Variants in PCDHGA3 observed in about 807,000 individuals in gnomAD.
PCDHGA3 encodes the protein protocadherin gamma subfamily A, 3.
A neutral mutation model predicts 58.5 loss-of-function variants in PCDHGA3; 40 were observed. The observed-to-expected ratio is 0.68, with a 90% confidence interval of 0.53 to 0.89. The LOEUF (loss-of-function observed/expected upper bound fraction) is 0.89. Ranked by LOEUF, PCDHGA3 falls within the 40% of genes least tolerant of loss-of-function variation. The pLI is 0.00. For missense variants in PCDHGA3, 1,223 were observed against 1,195.9 expected, an observed-to-expected ratio of 1.02 and a Z score of -0.33; for synonymous variants, 530 against 525.7, an observed-to-expected ratio of 1.01 and a Z score of -0.11.
chr5:141,345,527 G>A lies in PCDHGA3; in HGVS notation c.1494G>A (p.Gly498=), dbSNP rs746508095. The stretch of plus-strand genomic sequence containing the variant: ...CATTGACCGAGGACACTCTCCAGGG[G>A]GCGCCCCTGTCCTCCTTCGTCTCTA... The part of the protein sequence containing the change: ...TYALTEDTLQ[G]APLSSFVSIN... The change falls in exon 1 of 4, where the codon GGG becomes GGA. Residue 498 remains glycine, a synonymous_variant. Transcript: ENST00000253812. 43 of 1,614,120 alleles carry A rather than the reference G, an allele frequency of 2.7e-5. No individual in the cohort carries two copies. The highest frequency in any genetic ancestry group is 3.6e-5 in the Non-Finnish European group (43 of 1,180,014).
Position 141,398,399 on chromosome 5 carries a change from A to G in PCDHGA3, c.2424+51942A>G, listed in dbSNP as rs763282563. 8 of 1,466,584 alleles carry G rather than the reference A, an allele frequency of 5.5e-6. No individual in the cohort carries two copies. In the Admixed American group the frequency reaches 7.2e-5, roughly 13 times the overall value. 90.8% of individuals were successfully genotyped at this position (1,466,584 alleles called of 1,614,324 possible). ...GAGTTGCTTGTGAGCAGCAGGCTAG[A>G]CAGGGAGGAGATATGCGGGAAGAAG... On this transcript the variant is annotated intron_variant, in intron 1 of 3. Coordinates refer to ENST00000253812, the MANE Select transcript of PCDHGA3 (RefSeq NM_018916.4).
chr5:141,404,995 T>G (rs1561697585), intron 1 of PCDHGA3: 1 of 1,614,008 alleles, frequency 6.2e-7, no homozygotes, highest in Non-Finnish European at 8.5e-7. Flanking sequence ...TTCAGATCCC[T>G]GCAGACCTGG....
At chr5:141,415,937 C>T (rs939831077) in intron 1 of PCDHGA3, 8 of 587,822 alleles carry the variant, frequency 1.4e-5, no homozygotes, top group Non-Finnish European at 2.0e-5. Context: ...TATATTTCCT[C>T]CTGGGTGGTC....
rs933117526 is a variant in PCDHGA3 at position 141,355,681 on chromosome 5, G to A, written c.2424+9224G>A. 11 of 1,613,908 alleles carry A rather than the reference G, an allele frequency of 6.8e-6. No individual in the cohort carries two copies. Among genetic ancestry groups the A allele is most frequent in the Non-Finnish European group, 9.3e-6 (11 of 1,179,912 alleles). On this transcript the variant is annotated intron_variant, in intron 1 of 3. Coordinates refer to ENST00000253812, the MANE Select transcript of PCDHGA3 (RefSeq NM_018916.4). ...TCCTCTTCCTGAAGCTTTTGATCCG[G>A]ATGTAGGTGTAAACTCCCTGCAGGG...
intron 1 of PCDHGA3, chr5:141,360,747 G>T: frequency 6.2e-7 from 1 of 1,613,922 alleles, no homozygotes; most frequent in South Asian, 1.1e-5. Flanking sequence ...ACAGAGAAGA[G>T]CACAGTTTAC....
chr5:141,422,908 C>G, intron 1 of PCDHGA3: 1 of 1,614,244 alleles, frequency 6.2e-7, no homozygotes, highest in Non-Finnish European at 8.5e-7. Flanking sequence ...CGACAATGCG[C>G]CCGAGATCCT....
intron 1 of PCDHGA3, chr5:141,424,694 T>C (rs2096834568): frequency 6.6e-6 from 1 of 152,252 alleles, no homozygotes; most frequent in East Asian, 1.9e-4. Flanking sequence ...TCTGGCTATT[T>C]TTTTGTTCAT....
At chr5:141,393,357 G>C in intron 1 of PCDHGA3, 5 of 1,613,924 alleles carry the variant, frequency 3.1e-6, no homozygotes, top group Admixed American at 1.7e-5. Flanking sequence ...CTCCCTGGAC[G>C]TGCAGACTGG....
intron 1 of PCDHGA3, chr5:141,355,027 A>G: frequency 1.0e-6 from 1 of 956,224 alleles, no homozygotes; most frequent in Non-Finnish European, 1.5e-6. Flanking sequence ...AATCAGAATC[A>G]CAAGATTTCT....
chr5:141,374,815 G>T, intron 1 of PCDHGA3: 1 of 1,613,934 alleles, frequency 6.2e-7, no homozygotes, highest in Non-Finnish European at 8.5e-7. Context: ...TGTTTACTCA[G>T]CCTGTCTACC....
intron 1 of PCDHGA3, chr5:141,361,181 T>C: frequency 6.2e-7 from 1 of 1,613,970 alleles, no homozygotes. Flanking sequence ...GAAGTTATTG[T>C]GACTTCAGTA....
chr5:141,497,032 T>C (rs1206131945), intron 2 of PCDHGA3, among the ~76,000 whole-genome samples: 1 of 151,652 alleles, frequency 6.6e-6, no homozygotes, highest in East Asian at 1.9e-4. Flanking sequence ...CGATTAAAAA[T>C]ACAAAAATTA....
chr5:141,403,324 T>C (rs769971532), intron 1 of PCDHGA3: 9 of 1,613,974 alleles, frequency 5.6e-6, no homozygotes, highest in Non-Finnish European at 6.8e-6. Context: ...TAGAAGTAAC[T>C]GATATTAACG....
intron 1 of PCDHGA3, chr5:141,442,449 T>TA (rs1488731055): frequency 6.6e-6 from 1 of 152,210 alleles, no homozygotes; most frequent in African/African-American, 2.4e-5. Context: ...CAGGACTCAA[T>TA]AGCAGTTTCA....
Position 141,491,869 on chromosome 5 carries a change from G to A in PCDHGA3, c.2425-2938G>A. On this transcript the variant is annotated intron_variant, in intron 1 of 3. Transcript: ENST00000253812. The surrounding 1 kb of genome is among the most constrained non-coding windows in gnomAD (Gnocchi z 6.9). ...GGACCGTTTGCGCGAAACCAGAGTG[G>A]CCGATTAAGGGATGGGGCTCCGAGC... The A allele has an allele frequency of 6.9e-7, 1 of 1,453,094 alleles. No individual in the cohort carries two copies. Among genetic ancestry groups the A allele is most frequent in the Non-Finnish European group, 9.1e-7 (1 of 1,099,380 alleles). 90.0% of individuals were successfully genotyped at this position (1,453,094 alleles called of 1,614,324 possible).
At position 141,345,636 on chromosome 5, in the gene PCDHGA3, A is replaced by C; in HGVS notation, c.1603A>C (p.Ser535Arg). 6.2e-7 allele frequency: 1 copy of C among 1,614,178 alleles called. No individual in the cohort carries two copies. The highest frequency in any genetic ancestry group is 8.5e-7 in the Non-Finnish European group (1 of 1,180,044). Residue 535 changes from serine (S) to arginine (R), a missense_variant, in exon 1 of 4, where the codon AGC (serine) becomes CGC (arginine). Ser to Arg is a moderately radical substitution (Grantham distance 110). Transcript: ENST00000253812. ...FRDLKLLVTASDSGNPPLSSN... is the reference protein window; with the variant it reads ...FRDLKLLVTARDSGNPPLSSN... ...AGACTTAAAGCTACTGGTGACAGCC[A>C]GCGACAGCGGGAACCCTCCACTCAG...
At chr5:141,447,773 T>C (rs2098551408) in intron 1 of PCDHGA3, among the ~76,000 whole-genome samples, 1 of 152,202 alleles carries the variant, frequency 6.6e-6, no homozygotes, top group African/African-American at 2.4e-5. Context: ...AATTATACTT[T>C]AATTGAAAAT....
Position 141,491,420 on chromosome 5 carries a change from G to A in PCDHGA3, c.2425-3387G>A, listed in dbSNP as rs2099713954. 1.2e-6 allele frequency: 2 copies of A among 1,614,004 alleles called. No homozygotes were observed. The highest frequency in any genetic ancestry group is 2.2e-5 in the South Asian group (2 of 91,090). On this transcript the variant is annotated intron_variant, in intron 1 of 3. Transcript: ENST00000253812. This position sits in a 1 kb window ranked among gnomAD's most constrained non-coding sequence, Gnocchi z 6.9. ...GGAAACGCAGACGGGGACGGGGGTG[G>A]AGGGCAGTGCTGCAGGCGCCAGGAC...
intron 1 of PCDHGA3, chr5:141,375,729 G>A: frequency 1.9e-6 from 3 of 1,614,264 alleles, no homozygotes; most frequent in Non-Finnish European, 2.5e-6. Flanking sequence ...GTGTCACTGA[G>A]CCTGTTTGTG....
Sources: gnomAD v4.1 joint callset for allele counts (sites outside exome capture counted in the v4.1 genomes callset) on GRCh38, gnomAD v4.1.1 for gene constraint, Gnocchi (gnomAD v3.1) non-coding constraint, MANE v1.5 for transcripts, NCBI Gene and HGNC (gene_info 2026-07-23, HGNC 2026-07-21) for gene names.